FAF2: variants seen among roughly 807,000 people sequenced by gnomAD.
FAF2 encodes Fas associated factor family member 2.
Under a neutral mutation model 62.3 loss-of-function variants are expected in FAF2, and 9 were observed. That is an observed-to-expected ratio of 0.14 (90% CI 0.09 to 0.25). The LOEUF (loss-of-function observed/expected upper bound fraction) is 0.25, where lower values mean the gene tolerates loss of function less well. Ranked by LOEUF, FAF2 falls within the 10% of genes least tolerant of loss-of-function variation. The pLI is 1.00. For missense variants in FAF2, 368 were observed against 556.2 expected, an observed-to-expected ratio of 0.66 and a Z score of 3.40; for synonymous variants, 202 against 198.0, an observed-to-expected ratio of 1.02 and a Z score of -0.17.
At chr5:176,469,419 T>A (rs1436195383) in intron 1 of FAF2, among the ~76,000 whole-genome samples, 1 of 152,302 alleles carries the variant, frequency 6.6e-6, no homozygotes, top group Middle Eastern at 3.4e-3. Context: ...AGCAGAGAAT[T>A]GGTAGCAAAG....
chr5:176,494,595 C>A lies in FAF2; in HGVS notation c.661+320C>A, dbSNP rs1759032532. On this transcript the variant is annotated intron_variant, in intron 7 of 10. Coordinates refer to ENST00000261942, the MANE Select transcript of FAF2 (RefSeq NM_014613.3). The surrounding 1 kb of genome is among the most constrained non-coding windows in gnomAD (Gnocchi z 4.0). ...TTTGAGATGGAGTCTTGCTCTGTCGCCCAGGCTGGAGTGCAGTGGTGCGAT... is the reference window on the plus strand; with the variant it reads ...TTTGAGATGGAGTCTTGCTCTGTCGACCAGGCTGGAGTGCAGTGGTGCGAT... 6.6e-6 allele frequency among the ~76,000 whole-genome samples: 1 copy of A among 152,076 alleles called. No homozygotes were observed. Among genetic ancestry groups the A allele is most frequent in the Admixed American group, 6.5e-5 (1 of 15,274 alleles).
Position 176,508,299 on chromosome 5 carries a change from G to A in FAF2, c.*1349G>A, listed in dbSNP as rs1755719554. 1 of 152,176 alleles carries A rather than the reference G, an allele frequency of 6.6e-6. No homozygotes were observed. The highest frequency in any genetic ancestry group is 2.4e-5 in the African/African-American group (1 of 41,416). 9.4% of individuals were successfully genotyped at this position (152,176 alleles called of 1,614,324 possible). A position where few individuals can be genotyped will look rare whatever the true frequency, so the allele number is the denominator to read the frequency against. ...AACAGATGCCAGTGCGCTCTGACAAGTATTCCAAAGTGTTCTGTAGCTAGA... is the reference window on the plus strand; with the variant it reads ...AACAGATGCCAGTGCGCTCTGACAAATATTCCAAAGTGTTCTGTAGCTAGA... On this transcript the variant is annotated 3_prime_UTR_variant, in exon 11 of 11. Transcript: ENST00000261942.
rs186091827 is a variant in FAF2 at position 176,475,505 on chromosome 5, G to A, written c.64-3683G>A. The stretch of plus-strand genomic sequence containing the variant: ...TTACATATCAATACCAGCCGGGCAC[G>A]GTGGCTCACGCCTGTAATCCCAACA... On this transcript the variant is annotated intron_variant, in intron 1 of 10. Coordinates refer to ENST00000261942, the MANE Select transcript of FAF2 (RefSeq NM_014613.3). 1.6e-4 allele frequency among the ~76,000 whole-genome samples: 24 copies of A among 152,286 alleles called. 1 individual carries two copies. Among genetic ancestry groups the A allele is most frequent in the Middle Eastern group, 6.8e-3 (2 of 294 alleles).
At chr5:176,486,796 A>T (rs779836631) in intron 3 of FAF2, among the ~76,000 whole-genome samples, 1 of 152,176 alleles carries the variant, frequency 6.6e-6, no homozygotes, top group Non-Finnish European at 1.5e-5. Flanking sequence ...TTGAGGAAGT[A>T]TATGGAATCT....
chr5:176,464,939 G>C (rs888307329), intron 1 of FAF2, among the ~76,000 whole-genome samples: 1 of 152,130 alleles, frequency 6.6e-6, no homozygotes, highest in African/African-American at 2.4e-5. Flanking sequence ...CCCGGCTAGA[G>C]TGCAGTGGTA....
intron 2 of FAF2, among the ~76,000 whole-genome samples, chr5:176,482,248 CACTCTGTGG>C (rs1758792800): frequency 7.8e-6 from 1 of 127,926 alleles, no homozygotes; most frequent in Non-Finnish European, 1.6e-5. Context: ...GATGAAGTTT[CACTCTGTGG>C]CACAGGCTAG....
intron 1 of FAF2, among the ~76,000 whole-genome samples, chr5:176,475,785 A>G (rs1460601779): frequency 3.3e-5 from 5 of 152,074 alleles, no homozygotes; most frequent in African/African-American, 1.2e-4. Context: ...AAAAAAAAGA[A>G]TTACTATCAA....
intron 9 of FAF2, 145 bp downstream of exon 9, chr5:176,499,230 A>G: frequency 2.8e-6 from 2 of 706,388 alleles, no homozygotes; most frequent in Non-Finnish European, 2.1e-6. Context: ...AGAAAAAATT[A>G]CAACATGTTG....
chr5:176,468,541 G>A (rs1003016110), intron 1 of FAF2, among the ~76,000 whole-genome samples: 2 of 152,050 alleles, frequency 1.3e-5, no homozygotes, highest in African/African-American at 2.4e-5. Context: ...CCGAGATCAC[G>A]CCACTGCATC....
At chr5:176,506,687 A>G in intron 10 of FAF2, 81 bp from the exon 11 acceptor site, 1 of 1,122,048 alleles carries the variant, frequency 8.9e-7, no homozygotes, top group Non-Finnish European at 1.3e-6. Context: ...TTGACTTCAG[A>G]GTTGTGTGTG....
chr5:176,493,953 C>G (rs1475769474), intron 5 of FAF2, 46 bp from the exon 6 acceptor site: 1 of 1,346,978 alleles, frequency 7.4e-7, no homozygotes, highest in South Asian at 1.2e-5. Flanking sequence ...AATATAAGCT[C>G]AAGGCACAGT....
chr5:176,501,376 TG>T (rs1362423047), intron 10 of FAF2, among the ~76,000 whole-genome samples: 3 of 152,246 alleles, frequency 2.0e-5, no homozygotes, highest in African/African-American at 7.2e-5. Flanking sequence ...TAAAAGAGGA[TG>T]CACTGTAGTC....
intron 1 of FAF2, among the ~76,000 whole-genome samples, chr5:176,475,616 A>G (rs1327472252): frequency 2.0e-5 from 3 of 152,084 alleles, no homozygotes; most frequent in African/African-American, 7.2e-5. Flanking sequence ...AAAAATACAA[A>G]AACTAGCCAG....
At chr5:176,490,324 A>AT (rs1758952449) in intron 4 of FAF2, among the ~76,000 whole-genome samples, 1 of 150,762 alleles carries the variant, frequency 6.6e-6, no homozygotes, top group Non-Finnish European at 1.5e-5. Flanking sequence ...AAAAAAAAAA[A>AT]GAAAAAGAAA....
chr5:176,483,906 C>T (rs1758828468), intron 2 of FAF2, among the ~76,000 whole-genome samples: 1 of 151,956 alleles, frequency 6.6e-6, no homozygotes, highest in Admixed American at 6.6e-5. Flanking sequence ...GAAACCCCAT[C>T]GCTACTAAAA....
intron 3 of FAF2, 65 bp from the exon 4 acceptor site, chr5:176,488,886 C>T: frequency 7.7e-7 from 1 of 1,302,628 alleles, no homozygotes; most frequent in East Asian, 2.3e-5. Context: ...AAAATCTGAC[C>T]TAGCCATTTG....
intron 1 of FAF2, among the ~76,000 whole-genome samples, chr5:176,459,447 T>C (rs1758336405): frequency 6.6e-6 from 1 of 152,030 alleles, no homozygotes; most frequent in Admixed American, 6.6e-5. Flanking sequence ...TTATTTTTTG[T>C]AGAGACATGG....
chr5:176,499,737 T>C (rs1379434907), intron 9 of FAF2, among the ~76,000 whole-genome samples: 1 of 152,084 alleles, frequency 6.6e-6, no homozygotes, highest in East Asian at 1.9e-4. Context: ...AGTCCTGCTG[T>C]GGCCTCTGAA....
chr5:176,452,108 G>T (rs902739842), intron 1 of FAF2, among the ~76,000 whole-genome samples: 1 of 150,056 alleles, frequency 6.7e-6, no homozygotes, highest in African/African-American at 2.5e-5. Context: ...CCCTGGCTGG[G>T]GTGCAGTGGT....
Sources: gnomAD v4.1 joint callset for allele counts (sites outside exome capture counted in the v4.1 genomes callset) on GRCh38, gnomAD v4.1.1 for gene constraint, Gnocchi (gnomAD v3.1) non-coding constraint, MANE v1.5 for transcripts, NCBI Gene and HGNC (gene_info 2026-07-23, HGNC 2026-07-21) for gene names.